The following GSE1 variants were observed in gnomAD, a reference collection of about 807,000 sequenced individuals.
GSE1 encodes the protein genetic suppressor element 1.
GSE1 carries 32 observed loss-of-function variants against 112.6 expected under a neutral mutation model. That is an observed-to-expected ratio of 0.28 (90% confidence interval 0.21 to 0.38). The LOEUF is 0.38. Ranked by LOEUF, GSE1 falls within the 10% of genes least tolerant of loss-of-function variation. The pLI is 1.00. For synonymous variants in GSE1, 1,115 were observed against 735.6 expected (o/e 1.52, Z -8.35); for missense variants, 2,348 against 1,699.2 (o/e 1.38, Z -6.71).
At chr16:85,227,581 T>A (rs1448321516) in intron 1 of GSE1, among the ~76,000 whole-genome samples, 1 of 152,106 alleles carries the variant, frequency 6.6e-6, no homozygotes. Context: ...CTGGGCAGTC[T>A]CTTGGGAGAG....
rs1018496588 is a variant in GSE1, at chr16:85,556,039, C to G, written c.-288C>G. The G allele has an allele frequency of 4.0e-5, 39 of 985,028 alleles. No homozygotes were observed. In the South Asian group the frequency reaches 5.6e-4, roughly 14 times the overall value. The allele number at this position is 985,028 out of a possible 1,614,324, so 61.0% of individuals were successfully genotyped here. A position where few individuals can be genotyped will look rare whatever the true frequency, so the allele number is the denominator to read the frequency against. ...CCGGGCAGCCGTGGAGGCTCCGGCC[C>G]GTCCTTGGTCGTCAATTACCTCATT... On this transcript the variant is annotated 5_prime_UTR_variant, in exon 1 of 3. Coordinates refer to the GSE1 transcript ENST00000635906.
upstream of GSE1, among the ~76,000 whole-genome samples, chr16:85,607,676 C>A (rs1265375922): frequency 1.3e-5 from 2 of 152,120 alleles, no homozygotes; most frequent in Admixed American, 6.5e-5. Context: ...GCATCCCTGG[C>A]GAATCTGGTT....
intron 1 of GSE1, among the ~76,000 whole-genome samples, chr16:85,294,076 C>T (rs777975110): frequency 2.6e-5 from 4 of 152,286 alleles, no homozygotes; most frequent in East Asian, 1.9e-4. Flanking sequence ...GAGAAAACAC[C>T]GGCAAAGACT....
chr16:85,547,390 G>A (rs1194711853), intron 2 of GSE1, among the ~76,000 whole-genome samples: 1 of 152,198 alleles, frequency 6.6e-6, no homozygotes, highest in Non-Finnish European at 1.5e-5. Flanking sequence ...AGCACCCGGG[G>A]AATCCAGACA....
chr16:85,433,594 G>T (rs753825945), intron 2 of GSE1, among the ~76,000 whole-genome samples: 8 of 84,690 alleles, frequency 9.4e-5, no homozygotes, highest in Non-Finnish European at 1.5e-4. Flanking sequence ...GATCCTGGAT[G>T]GATGGATGGA....
intron 2 of GSE1, among the ~76,000 whole-genome samples, chr16:85,395,656 T>G: frequency 6.6e-6 from 1 of 152,136 alleles, no homozygotes; most frequent in Non-Finnish European, 1.5e-5. Flanking sequence ...AGAAAGCCCT[T>G]TGCATCTTTT....
At chr16:85,637,085 GGT>G (rs2151778821) in intron 2 of GSE1, among the ~76,000 whole-genome samples, 1 of 152,334 alleles carries the variant, frequency 6.6e-6, no homozygotes, top group South Asian at 2.1e-4. Flanking sequence ...CGCATGATTT[GGT>G]GATTTTCCTA....
rs1164629286 is a variant in GSE1 at position 85,437,696 on chromosome 16, T to TA, written c.2464+80059dup. On this transcript the variant is annotated intron_variant, in intron 2 of 2. Transcript: ENST00000637419. ...CCCCACCTGGACCTGTTTCCCCACT[T>TA]AAAAAAGTCAATCTGCCTCCTAGTT... 3.9e-5 allele frequency among the ~76,000 whole-genome samples: 6 copies of TA among 152,060 alleles called. No homozygotes were observed. The East Asian group carries it at 1.2e-3, about 29-fold the overall frequency.
In GSE1 at chr16:85,663,439, A is replaced by G. The variant is rs764357012; in HGVS notation, c.2469A>G (p.Arg823=). 1 of 1,613,910 alleles carries G rather than the reference A, an allele frequency of 6.2e-7. No homozygotes were observed. Among genetic ancestry groups the G allele is most frequent in the South Asian group, 1.1e-5 (1 of 91,078 alleles). The change falls in exon 11 of 16, where the codon CGA becomes CGG. Residue 823 remains arginine, a synonymous_variant. Transcript: ENST00000253458. ...QKRRKRRRML[R]ERSPSPPTIQ... is the part of the protein sequence containing the mutation. ...GGAGGAAGCGGCGGAGGATGCTGCGAGAGAGAAGCCCGTCGCCCCCAACAA... is the reference window on the plus strand; with the variant it reads ...GGAGGAAGCGGCGGAGGATGCTGCGGGAGAGAAGCCCGTCGCCCCCAACAA...
At chr16:85,574,971 G>A (rs1020987499) in intron 1 of GSE1, among the ~76,000 whole-genome samples, 2 of 152,182 alleles carry the variant, frequency 1.3e-5, no homozygotes, top group Non-Finnish European at 2.9e-5. Context: ...GACAAGGCCG[G>A]GCAGCCCCCT....
chr16:85,568,225 G>A (rs1354822068), intron 1 of GSE1, among the ~76,000 whole-genome samples: 2 of 152,242 alleles, frequency 1.3e-5, no homozygotes, highest in African/African-American at 4.8e-5. Flanking sequence ...TCCAGGGTCT[G>A]CTTCTGGAGT....
intron 1 of GSE1, among the ~76,000 whole-genome samples, chr16:85,315,505 G>A (rs560286545): frequency 6.6e-6 from 1 of 152,218 alleles, no homozygotes; most frequent in Non-Finnish European, 1.5e-5. Context: ...AGGGCCTCGG[G>A]TTGGCTGTTG....
intron 3 of GSE1, among the ~76,000 whole-genome samples, chr16:85,653,939 G>A (rs2151915750): frequency 6.6e-6 from 1 of 152,272 alleles, no homozygotes; most frequent in South Asian, 2.1e-4. Flanking sequence ...CACACCAGGA[G>A]GGGTGGAGGC....
chr16:85,588,105 G>A (rs895207308), intron 1 of GSE1, among the ~76,000 whole-genome samples: 5 of 152,170 alleles, frequency 3.3e-5, no homozygotes, highest in South Asian at 2.1e-4. Flanking sequence ...GGTGGTGGGC[G>A]ACGCTGTCCT....
At chr16:85,474,527 G>T (rs1464962380) in intron 2 of GSE1, among the ~76,000 whole-genome samples, 1 of 152,052 alleles carries the variant, frequency 6.6e-6, no homozygotes, top group Non-Finnish European at 1.5e-5. Flanking sequence ...AATTAAACCC[G>T]GGTGCCTGTG....
intron 1 of GSE1, among the ~76,000 whole-genome samples, chr16:85,333,429 CCTT>C (rs2046417406): frequency 6.6e-6 from 1 of 152,202 alleles, no homozygotes; most frequent in African/African-American, 2.4e-5. Context: ...CCGGCCTCCT[CCTT>C]GTCTCTCCTG....
At chr16:85,473,447 G>C (rs546086013) in intron 2 of GSE1, among the ~76,000 whole-genome samples, 1 of 152,140 alleles carries the variant, frequency 6.6e-6, no homozygotes, top group East Asian at 1.9e-4. Flanking sequence ...TGTTCTCTCC[G>C]AGTTCAGGAG....
At chr16:85,629,650 A>C (rs1023483947) in intron 1 of GSE1, among the ~76,000 whole-genome samples, 9 of 152,118 alleles carry the variant, frequency 5.9e-5, no homozygotes, top group Admixed American at 2.0e-4. Flanking sequence ...CAGCTTTCTC[A>C]TAGGGCGGCC....
At chr16:85,196,173 T>A (rs2074923235) in intron 1 of GSE1, among the ~76,000 whole-genome samples, 1 of 152,072 alleles carries the variant, frequency 6.6e-6, no homozygotes, top group Non-Finnish European at 1.5e-5. Flanking sequence ...CTTTTGGACT[T>A]GGGGGTTGTG....
Sources: allele counts gnomAD v4.1 joint callset (sites outside exome capture counted in the v4.1 genomes callset), GRCh38; gene constraint gnomAD v4.1.1; transcripts MANE v1.5; gene names NCBI Gene and HGNC (gene_info 2026-07-23, HGNC 2026-07-21).